ABCB5: variants seen among roughly 807,000 people sequenced by gnomAD.
ABCB5 encodes the protein ATP-binding cassette sub-family B member 5.
ABCB5 carries 155 observed loss-of-function variants against 144.2 expected under a neutral mutation model. The ratio of observed to expected loss-of-function variants is 1.08; its 90% confidence interval spans 0.94 to 1.23. The LOEUF (loss-of-function observed/expected upper bound fraction) is 1.23, where lower values mean the gene tolerates loss of function less well. Ranked by LOEUF, ABCB5 falls within the 50% of genes most tolerant of loss-of-function variation. ABCB5 has a pLI of 0.00. For missense variants in ABCB5, 1,830 were observed against 1,520.8 expected, an observed-to-expected ratio of 1.20 and a Z score of -3.38; for synonymous variants, 610 against 528.6, an observed-to-expected ratio of 1.15 and a Z score of -2.11.
intron 15 of ABCB5, 70 bp from the exon 16 acceptor site, chr7:20,685,626 G>T: frequency 7.3e-7 from 1 of 1,376,550 alleles, no homozygotes; most frequent in Non-Finnish European, 9.9e-7. Context: ...GCTTTAAAGA[G>T]ATGCTTAATA....
chr7:20,746,850 T>C (rs1782740438), intron 26 of ABCB5, among the ~76,000 whole-genome samples: 1 of 152,222 alleles, frequency 6.6e-6, no homozygotes, highest in Non-Finnish European at 1.5e-5. Context: ...AATTTCTACA[T>C]GTGATTTTTA....
rs1562543053 is a variant in ABCB5, at chr7:20,656,906, C to CT, written c.1537-1595dup. ...GTGATAGATCTAATTTTTCTTTTTC[C>CT]TTTTTCTTTTTTTTTTTTTTTTTTT... On this transcript the variant is annotated intron_variant, in intron 13 of 27. Coordinates refer to ENST00000404938, the MANE Select transcript of ABCB5 (RefSeq NM_001163941.2). 1.8e-4 allele frequency among the ~76,000 whole-genome samples: 25 copies of CT among 135,708 alleles called. 1 individual carries two copies. The highest frequency in any genetic ancestry group is 1.6e-4 in the Non-Finnish European group (10 of 63,640). The allele number at this position is 135,708 out of a possible 152,430, so 89.0% of individuals were successfully genotyped here.
intron 5 of ABCB5, among the ~76,000 whole-genome samples, chr7:20,632,914 T>C (rs1784069529): frequency 6.6e-6 from 1 of 151,504 alleles, no homozygotes; most frequent in South Asian, 2.1e-4. Context: ...TAATGCTAGA[T>C]GACGAGTTAG....
At chr7:20,675,782 A>G (rs968126495) in intron 14 of ABCB5, among the ~76,000 whole-genome samples, 13 of 152,006 alleles carry the variant, frequency 8.6e-5, no homozygotes, top group African/African-American at 1.2e-4. Context: ...AATATCTAAA[A>G]TATATAAGGA....
At chr7:20,669,046 T>A (rs1287103325) in intron 14 of ABCB5, among the ~76,000 whole-genome samples, 1 of 136,800 alleles carries the variant, frequency 7.3e-6, no homozygotes, top group African/African-American at 2.9e-5. Flanking sequence ...CGGCCGCCCC[T>A]ACTGGGAAGT....
chr7:20,707,809 T>TTTTTTTTTG (rs1786869650), intron 20 of ABCB5, among the ~76,000 whole-genome samples: 1 of 142,790 alleles, frequency 7.0e-6, no homozygotes, highest in Non-Finnish European at 1.5e-5. Flanking sequence ...TTCTTTTTTT[T>TTTTTTTTTG]TTTTTTTTTT....
chr7:20,627,433 A>T (rs1182021030), intron 3 of ABCB5, among the ~76,000 whole-genome samples: 1 of 151,416 alleles, frequency 6.6e-6, no homozygotes, highest in Non-Finnish European at 1.5e-5. Flanking sequence ...TTTGGTCTCC[A>T]TTCATAAAAT....
chr7:20,628,967 T>C, intron 4 of ABCB5, 129 bp downstream of exon 4: 3 of 1,079,668 alleles, frequency 2.8e-6, no homozygotes, highest in Non-Finnish European at 3.8e-6. Flanking sequence ...ATTTAAGTCA[T>C]TTATTCTGCC....
chr7:20,669,921 G>A (rs1471680737), intron 14 of ABCB5, among the ~76,000 whole-genome samples: 1 of 152,160 alleles, frequency 6.6e-6, no homozygotes. Context: ...CAAGTCCCAG[G>A]TCTCCAAGAC....
At chr7:20,732,691 T>C (rs1782260137) in intron 23 of ABCB5, among the ~76,000 whole-genome samples, 1 of 152,232 alleles carries the variant, frequency 6.6e-6, no homozygotes, top group Admixed American at 6.5e-5. Flanking sequence ...ATATGTCTAA[T>C]ACCAGGTGCT....
intron 15 of ABCB5, among the ~76,000 whole-genome samples, chr7:20,681,892 G>A (rs1463116232): frequency 1.3e-5 from 2 of 152,070 alleles, no homozygotes; most frequent in African/African-American, 4.8e-5. Flanking sequence ...TATCTGCCAG[G>A]CACACTTCAA....
rs149344459 is a variant in ABCB5, at chr7:20,728,410, C to T, written c.2822C>T (p.Ala941Val). Residue 941 changes from alanine to valine, a missense_variant, in exon 23 of 28, where the codon GCC (alanine) becomes GTC (valine). Ala to Val is a moderately conservative substitution (Grantham distance 64). Coordinates refer to ENST00000404938, the MANE Select transcript of ABCB5 (RefSeq NM_001163941.2). ...TATGCGGCAGGGTTTCGATTTGGAG[C>T]CTATTTAATTCAAGCTGGACGAATG... Reference protein sequence around the residue: ...FAYAAGFRFGAYLIQAGRMTP... With the variant: ...FAYAAGFRFGVYLIQAGRMTP... 2 of 1,614,106 alleles carry T rather than the reference C, an allele frequency of 1.2e-6. No individual in the cohort carries two copies. The highest frequency in any genetic ancestry group is 1.7e-5 in the Admixed American group (1 of 60,008).
In ABCB5 at chr7:20,698,705, T is replaced by A. The variant is rs141404832; in HGVS notation, c.2154+155T>A. The stretch of plus-strand genomic sequence containing the variant: ...CCGTGATAGGAAGGTTAATTAATGT[T>A]CCCAGGAGATAAGCCAGCATCTCTT... On this transcript the variant is annotated intron_variant, in intron 17 of 27. Coordinates refer to ENST00000404938, the MANE Select transcript of ABCB5 (RefSeq NM_001163941.2). Among the ~76,000 whole-genome samples, 367 of 152,306 alleles carry A rather than the reference T, an allele frequency of 2.4e-3. 1 individual carries two copies. Among genetic ancestry groups the A allele is most frequent in the African/African-American group, 8.3e-3 (347 of 41,558 alleles).
At chr7:20,642,739 T>C (rs1247231746) in intron 5 of ABCB5, among the ~76,000 whole-genome samples, 2 of 152,226 alleles carry the variant, frequency 1.3e-5, no homozygotes, top group South Asian at 2.1e-4. Flanking sequence ...ACCAGTTATA[T>C]AGATGAATCT....
At chr7:20,727,459 G>A (rs1271071006) in intron 22 of ABCB5, among the ~76,000 whole-genome samples, 1 of 152,194 alleles carries the variant, frequency 6.6e-6, no homozygotes, top group African/African-American at 2.4e-5. Flanking sequence ...TGCGGGCAGG[G>A]CGCTGTGTCT....
At chr7:20,655,529 T>C (rs1305622542) in intron 13 of ABCB5, among the ~76,000 whole-genome samples, 1 of 145,548 alleles carries the variant, frequency 6.9e-6, no homozygotes, top group Non-Finnish European at 1.5e-5. Context: ...ACGGCAACAG[T>C]TACAAATGAA....
intron 1 of ABCB5, among the ~76,000 whole-genome samples, chr7:20,622,728 T>C (rs1783826140): frequency 6.6e-6 from 1 of 152,226 alleles, no homozygotes; most frequent in East Asian, 1.9e-4. Context: ...TTATGCTTAA[T>C]ACAATTTTAA....
At position 20,717,188 on chromosome 7, in the gene ABCB5, G is replaced by C. The variant is rs761067119; in HGVS notation, c.2422-5828G>C. Among the ~76,000 whole-genome samples the C allele has an allele frequency of 3.3e-5, 5 of 152,260 alleles. No individual in the cohort carries two copies. The South Asian group carries it at 1.0e-3, about 32-fold the overall frequency. On this transcript the variant is annotated intron_variant, in intron 20 of 27. Coordinates refer to ENST00000404938, the MANE Select transcript of ABCB5 (RefSeq NM_001163941.2). The stretch of plus-strand genomic sequence containing the variant: ...CATATGACTCTGAAACTTATGGTGG[G>C]GGGTGGGAGGCAGAGGAGCAAGGAC...
At chr7:20,753,180 T>G (rs1397709093) in intron 26 of ABCB5, among the ~76,000 whole-genome samples, 180 bp from the exon 27 acceptor site, 1 of 152,220 alleles carries the variant, frequency 6.6e-6, no homozygotes, top group East Asian at 1.9e-4. Flanking sequence ...GAGATGGTAG[T>G]GTTTACTGCG....
Sources: allele counts gnomAD v4.1 joint callset (sites outside exome capture counted in the v4.1 genomes callset), GRCh38; gene constraint gnomAD v4.1.1; transcripts MANE v1.5; gene names NCBI Gene and HGNC (gene_info 2026-07-23, HGNC 2026-07-21).